The following PSD3 variants were observed in gnomAD, a reference collection of about 807,000 sequenced individuals.
The protein encoded by PSD3 is PH and SEC7 domain-containing protein 3.
A neutral mutation model predicts 105.5 loss-of-function variants in PSD3; 49 were observed. The ratio of observed to expected loss-of-function variants is 0.46; its 90% CI spans 0.37 to 0.59. PSD3 has a LOEUF of 0.59. PSD3 is among the 20% of genes least tolerant of loss of function. The pLI is 0.00. For synonymous variants in PSD3, 557 were observed against 457.8 expected (o/e 1.22, Z -2.77); for missense variants, 1,561 against 1,263.8 (o/e 1.24, Z -3.57).
chr8:19,075,103 G>T (rs13252178), intron 1 of PSD3, among the ~76,000 whole-genome samples: 43,991 of 151,304 alleles, frequency 0.29, 6,651 homozygotes, highest in South Asian at 0.39. Context: ...AGTACACCAT[G>T]CCCGGCTAAT....
chr8:18,865,987 T>G (rs573041212), intron 4 of PSD3, among the ~76,000 whole-genome samples: 1 of 152,178 alleles, frequency 6.6e-6, no homozygotes. Context: ...ACCCAGTTCC[T>G]TCACTGGTGT....
At chr8:19,032,977 G>T (rs956602116) in intron 1 of PSD3, among the ~76,000 whole-genome samples, 5 of 152,104 alleles carry the variant, frequency 3.3e-5, no homozygotes, top group African/African-American at 1.2e-4. Context: ...ACTAGGCATG[G>T]TGGTACCTGC....
chr8:18,836,151 A>G (rs1483871024), intron 4 of PSD3, among the ~76,000 whole-genome samples: 3 of 152,176 alleles, frequency 2.0e-5, no homozygotes, highest in Non-Finnish European at 4.4e-5. Context: ...GAGATGCCAA[A>G]AAGGTGCTGG....
chr8:19,073,428 G>C (rs2129478020), intron 1 of PSD3, among the ~76,000 whole-genome samples: 1 of 151,984 alleles, frequency 6.6e-6, no homozygotes, highest in Admixed American at 6.6e-5. Flanking sequence ...GCACACCCAT[G>C]TAATCCCAGC....
chr8:18,657,809 T>C (rs1209267040), intron 9 of PSD3, among the ~76,000 whole-genome samples: 3 of 152,218 alleles, frequency 2.0e-5, no homozygotes. Context: ...TAAAGGTTCT[T>C]TAGATGCTAC....
At chr8:18,752,632 TAA>T (rs1355146986) in intron 9 of PSD3, among the ~76,000 whole-genome samples, 16 of 73,968 alleles carry the variant, frequency 2.2e-4, no homozygotes, top group African/African-American at 9.3e-4. Context: ...ATATTATATA[TAA>T]TATATATAAT....
intron 4 of PSD3, among the ~76,000 whole-genome samples, chr8:18,855,745 AAAC>A (rs1815959204): frequency 6.6e-6 from 1 of 152,234 alleles, no homozygotes. Context: ...AAGGAATGAT[AAAC>A]ATCAGCAGCT....
intron 15 of PSD3, 23 bp downstream of exon 15, chr8:18,556,186 A>G (rs1801060292): frequency 1.9e-6 from 3 of 1,610,990 alleles, no homozygotes; most frequent in Non-Finnish European, 2.5e-6. Flanking sequence ...ATCAGCATTT[A>G]CTAACATTTG....
At chr8:18,638,020 G>C (rs563275921) in intron 10 of PSD3, among the ~76,000 whole-genome samples, 45 of 152,202 alleles carry the variant, frequency 3.0e-4, no homozygotes, top group African/African-American at 9.9e-4. Context: ...GCCCACTGCA[G>C]TGGCAGGTGC....
intron 1 of PSD3, among the ~76,000 whole-genome samples, chr8:18,956,070 T>C (rs191030329): frequency 2.7e-3 from 412 of 152,230 alleles, no homozygotes; most frequent in South Asian, 0.012. Context: ...GCCCGGCCTA[T>C]ATTTTAGACC....
intron 12 of PSD3, among the ~76,000 whole-genome samples, chr8:18,585,881 T>C (rs1223951897): frequency 6.6e-6 from 1 of 152,124 alleles, no homozygotes; most frequent in Non-Finnish European, 1.5e-5. Context: ...GTGACAGACT[T>C]GGAGTTTGAC....
chr8:18,808,646 G>C (rs1365432238), intron 4 of PSD3: 1 of 1,403,178 alleles, frequency 7.1e-7, no homozygotes, highest in Non-Finnish European at 1.0e-6. Flanking sequence ...TATGTCCCTA[G>C]ATGGCTTCAT....
chr8:18,545,183 C>G (rs1021527474), intron 15 of PSD3, among the ~76,000 whole-genome samples: 2 of 152,124 alleles, frequency 1.3e-5, no homozygotes, highest in African/African-American at 2.4e-5. Flanking sequence ...CTTTTCATCT[C>G]TTTTTTGAAA....
At chr8:19,048,033 G>A (rs980566500) in intron 1 of PSD3, among the ~76,000 whole-genome samples, 11 of 151,876 alleles carry the variant, frequency 7.2e-5, no homozygotes, top group African/African-American at 2.2e-4. Context: ...TTCCTGGCTC[G>A]CCCAAACCTA....
intron 9 of PSD3, among the ~76,000 whole-genome samples, chr8:18,688,492 C>T (rs180676637): frequency 2.0e-5 from 3 of 152,258 alleles, no homozygotes; most frequent in Non-Finnish European, 4.4e-5. Flanking sequence ...GCATAGTATT[C>T]GAGCATGTGA....
chr8:18,796,767 T>A (rs1204059922), intron 8 of PSD3, among the ~76,000 whole-genome samples: 1 of 152,172 alleles, frequency 6.6e-6, no homozygotes, highest in Admixed American at 6.5e-5. Flanking sequence ...GCTGCAGTAT[T>A]GCTATTATGA....
chr8:18,953,144 C>A (rs1343165974), intron 1 of PSD3, among the ~76,000 whole-genome samples: 1 of 152,258 alleles, frequency 6.6e-6, no homozygotes, highest in South Asian at 2.1e-4. Flanking sequence ...CAGTGAAACA[C>A]AGGTTAAAAC....
chr8:19,083,102 C>A (rs1829694672), intron 1 of PSD3, among the ~76,000 whole-genome samples: 1 of 152,126 alleles, frequency 6.6e-6, no homozygotes, highest in Non-Finnish European at 1.5e-5. Context: ...CTGTGACTTC[C>A]CTGAGATTCC....
intron 9 of PSD3, among the ~76,000 whole-genome samples, chr8:18,675,266 T>C (rs187143143): frequency 6.6e-6 from 1 of 152,332 alleles, no homozygotes; most frequent in Non-Finnish European, 1.5e-5. Context: ...GAGAAGGTCT[T>C]ACTGCTTCCT....
Sources: allele counts gnomAD v4.1 joint callset (sites outside exome capture counted in the v4.1 genomes callset), GRCh38; gene constraint gnomAD v4.1.1; transcripts MANE v1.5; gene names NCBI Gene and HGNC (gene_info 2026-07-23, HGNC 2026-07-21).